Variants in SNED1 observed in about 807,000 individuals in gnomAD.
The protein encoded by SNED1 is sushi, nidogen and EGF like domains 1.
SNED1 carries 81 observed loss-of-function variants against 166.7 expected under a neutral mutation model. The ratio of observed to expected loss-of-function variants is 0.49; its 90% CI spans 0.41 to 0.58. SNED1 has a LOEUF of 0.58. SNED1 is among the 20% of genes least tolerant of loss of function. The pLI, the probability that SNED1 is intolerant of heterozygous loss-of-function variation, is 0.00. For missense variants in SNED1, 1,604 were observed against 2,000.2 expected (o/e 0.80, Z 3.78); for synonymous variants, 762 against 822.0 (o/e 0.93, Z 1.25).
chr2:241,017,704 G>A (rs1490178891), intron 1 of SNED1, among the ~76,000 whole-genome samples: 4 of 152,190 alleles, frequency 2.6e-5, no homozygotes, highest in African/African-American at 9.7e-5. Flanking sequence ...TCCTCCCACG[G>A]CAAGTGGGTG....
rs2060477002 is a variant in SNED1 at position 241,013,415 on chromosome 2, C to T, written c.213+14365C>T. Among the ~76,000 whole-genome samples the T allele has an allele frequency of 6.6e-6, 1 of 152,184 alleles. No individual in the cohort carries two copies. The highest frequency in any genetic ancestry group is 1.5e-5 in the Non-Finnish European group (1 of 68,032). On this transcript the variant is annotated intron_variant, in intron 1 of 31. Coordinates refer to ENST00000310397, the MANE Select transcript of SNED1 (RefSeq NM_001080437.3). This position sits in a 1 kb window ranked among gnomAD's most constrained non-coding sequence, Gnocchi z 4.6. ...CGAACTCATGGGCTCCAGTGATCCTCCCACTTCAGCCACACCCCACTCCAC... is the reference window on the plus strand; with the variant it reads ...CGAACTCATGGGCTCCAGTGATCCTTCCACTTCAGCCACACCCCACTCCAC...
chr2:241,032,601 T>C (rs993262189), intron 2 of SNED1, among the ~76,000 whole-genome samples: 1 of 152,124 alleles, frequency 6.6e-6, no homozygotes, highest in Non-Finnish European at 1.5e-5. Context: ...AACCTGCACG[T>C]TGTGCACATG....
chr2:241,041,148 A>T, intron 8 of SNED1: 2 of 283,542 alleles, frequency 7.1e-6, no homozygotes, highest in Middle Eastern at 2.5e-3. Flanking sequence ...GTCTTTGCCG[A>T]GTGCATGGGA....
intron 6 of SNED1, 27 bp downstream of exon 6, chr2:241,037,380 G>A: frequency 1.4e-6 from 2 of 1,462,016 alleles, no homozygotes; most frequent in Non-Finnish European, 1.9e-6. Context: ...GGGGCCCACG[G>A]GGCCCTGCTG....
At position 241,073,985 on chromosome 2, in the gene SNED1, C is replaced by T. The variant is rs2062879584; in HGVS notation, c.3916+621C>T. The T allele has an allele frequency of 6.5e-6, 1 of 153,588 alleles. No homozygotes were observed. Among genetic ancestry groups the T allele is most frequent in the African/African-American group, 2.4e-5 (1 of 41,466 alleles). 9.5% of individuals were successfully genotyped at this position (153,588 alleles called of 1,614,324 possible). On this transcript the variant is annotated intron_variant, in intron 27 of 31. Transcript: ENST00000310397. This position sits in a 1 kb window ranked among gnomAD's most constrained non-coding sequence, Gnocchi z 6.6. The stretch of plus-strand genomic sequence containing the variant: ...GCAGCACCAATACATGTGTGTTCCT[C>T]ACCCTGAGTCAGACTCTACCTTTCT...
At chr2:241,030,226 G>A (rs1002259592) in intron 1 of SNED1, 58 bp from the exon 2 acceptor site, 2 of 1,469,814 alleles carry the variant, frequency 1.4e-6, no homozygotes, top group Non-Finnish European at 1.8e-6. Flanking sequence ...AGGCTGCTGG[G>A]CCCACCCGCC....
Position 241,094,248 on chromosome 2 carries a change from G to A in SNED1, c.*2612G>A. The A allele has an allele frequency of 2.1e-6, 1 of 466,250 alleles. No individual in the cohort carries two copies. Among genetic ancestry groups the A allele is most frequent in the Non-Finnish European group, 4.4e-6 (1 of 225,458 alleles). The allele number at this position is 466,250 out of a possible 1,614,324, so 28.9% of individuals were successfully genotyped here. ...TGTCCTCCAGTAGAGAACCCAACAGGCAAGGGCCCCACTCAGGTATCAGCT... is the reference window on the plus strand; with the variant it reads ...TGTCCTCCAGTAGAGAACCCAACAGACAAGGGCCCCACTCAGGTATCAGCT... On this transcript the variant is annotated 3_prime_UTR_variant, in exon 32 of 32. Coordinates refer to ENST00000310397, the MANE Select transcript of SNED1 (RefSeq NM_001080437.3). This position sits in a 1 kb window ranked among gnomAD's most constrained non-coding sequence, Gnocchi z 4.3.
chr2:241,065,276 T>C (rs1439430700), intron 20 of SNED1, 23 bp from the exon 21 acceptor site: 1 of 1,611,552 alleles, frequency 6.2e-7, no homozygotes, highest in East Asian at 2.2e-5. Context: ...TCCCCTCCCC[T>C]TGTTTTGACC....
chr2:241,008,018 G>A (rs1193774312), intron 1 of SNED1, among the ~76,000 whole-genome samples: 28 of 152,264 alleles, frequency 1.8e-4, no homozygotes, highest in African/African-American at 5.8e-4. Context: ...GCCCAGAAGG[G>A]CATTCGCAGT....
chr2:241,027,328 G>A (rs2061002087), intron 1 of SNED1, among the ~76,000 whole-genome samples: 1 of 152,162 alleles, frequency 6.6e-6, no homozygotes, highest in African/African-American at 2.4e-5. Flanking sequence ...TGATCCACCT[G>A]CCTCAGCCAC....
chr2:241,088,078 A>G lies in SNED1; in HGVS notation c.4206-287A>G, dbSNP rs2063676779. The G allele has an allele frequency of 6.4e-6, 3 of 472,420 alleles. No individual in the cohort carries two copies. In the South Asian group the frequency reaches 9.0e-5, roughly 14 times the overall value. 29.3% of individuals were successfully genotyped at this position (472,420 alleles called of 1,614,324 possible). A position where few individuals can be genotyped will look rare whatever the true frequency, so the allele number is the denominator to read the frequency against. On this transcript the variant is annotated intron_variant, in intron 30 of 31. Coordinates refer to ENST00000310397, the MANE Select transcript of SNED1 (RefSeq NM_001080437.3). ...CTGTGCACGTCACCGGCTCTTCCCT[A>G]GGGTAGCTTTTGCTTGCTTTCTCCC...
In SNED1 at chr2:241,077,991, AT is replaced by A. The variant is rs552599931; in HGVS notation, c.3917-3685del. ...ACTCCTAGGTATATACCCAAGAGAAATGAAAACCTATGTCCACATGAGGTCC... is the reference window on the plus strand; with the variant it reads ...ACTCCTAGGTATATACCCAAGAGAAAGAAAACCTATGTCCACATGAGGTCC... On this transcript the variant is annotated intron_variant, in intron 27 of 31. Coordinates refer to ENST00000310397, the MANE Select transcript of SNED1 (RefSeq NM_001080437.3). 2.0e-3 allele frequency among the ~76,000 whole-genome samples: 300 copies of A among 152,306 alleles called. 1 individual carries two copies. The highest frequency in any genetic ancestry group is 6.8e-3 in the African/African-American group (283 of 41,578).
intron 27 of SNED1, chr2:241,074,811 A>C (rs1272763803): frequency 1.3e-5 from 2 of 152,080 alleles, no homozygotes; most frequent in Non-Finnish European, 2.9e-5. Context: ...CAAGAACCCA[A>C]CCTATAAACT....
Position 241,069,287 on chromosome 2 carries a change from G to A in SNED1, c.3307+264G>A, listed in dbSNP as rs575999326. Among the ~76,000 whole-genome samples, 5 of 152,252 alleles carry A rather than the reference G, an allele frequency of 3.3e-5. No individual in the cohort carries two copies. Among genetic ancestry groups the A allele is most frequent in the African/African-American group, 9.6e-5 (4 of 41,564 alleles). ...CAGCATGGAGTTCCTACTGGACACC[G>A]ACCAGAGGGCCAGAGGACCTCACTG... is the stretch of plus-strand genomic sequence containing the variant. On this transcript the variant is annotated intron_variant, in intron 23 of 31. Coordinates refer to ENST00000310397, the MANE Select transcript of SNED1 (RefSeq NM_001080437.3). The surrounding 1 kb of genome is among the most constrained non-coding windows in gnomAD (Gnocchi z 4.9).
At position 241,067,744 on chromosome 2, in the gene SNED1, G is replaced by A. The variant is rs569150625; in HGVS notation, c.3011-20G>A. The A allele has an allele frequency of 6.3e-7, 1 of 1,587,644 alleles. No individual in the cohort carries two copies. The highest frequency in any genetic ancestry group is 1.1e-5 in the South Asian group (1 of 89,362). ...GAGCAAGGAGGGGCCGGCACCTGCT[G>A]AACAGTCCATTCCCCCTAGGACCCC... is the stretch of plus-strand genomic sequence containing the variant. On this transcript the variant is annotated intron_variant, in intron 21 of 31. Transcript: ENST00000310397.
At chr2:241,034,789 A>G (rs1017900563) in intron 4 of SNED1, 59 bp downstream of exon 4, 11 of 1,473,160 alleles carry the variant, frequency 7.5e-6, no homozygotes, top group Non-Finnish European at 1.0e-5. Context: ...GGTTGATGGC[A>G]GAGGAGAGGT....
At position 241,062,804 on chromosome 2, in the gene SNED1, C is replaced by T. The variant is rs2062284749; in HGVS notation, c.2271C>T (p.Cys757=). 1.9e-6 allele frequency: 3 copies of T among 1,609,214 alleles called. No homozygotes were observed. Among genetic ancestry groups the T allele is most frequent in the African/African-American group, 1.3e-5 (1 of 74,904 alleles). ...CTCTCCTCTCAGAAATCGATGAGTG[C>T]CGGTCTCAGCCGTGCCTGCATGGGG... ...EPPQCLEIDE[C]RSQPCLHGGS... The change falls in exon 17 of 32, where the codon TGC becomes TGT. Residue 757 remains cysteine, a synonymous_variant. Coordinates refer to ENST00000310397, the MANE Select transcript of SNED1 (RefSeq NM_001080437.3).
At chr2:241,025,717 G>A (rs1375918116) in intron 1 of SNED1, among the ~76,000 whole-genome samples, 1 of 152,038 alleles carries the variant, frequency 6.6e-6, no homozygotes, top group Non-Finnish European at 1.5e-5. Context: ...GCCTTCCATA[G>A]TAAAGGGTAT....
chr2:241,032,674 C>T (rs1300729482), intron 2 of SNED1, among the ~76,000 whole-genome samples: 1 of 152,178 alleles, frequency 6.6e-6, no homozygotes. Context: ...GGTTTCCTTG[C>T]ACCCCAGCTG....
Sources: allele counts gnomAD v4.1 joint callset (sites outside exome capture counted in the v4.1 genomes callset), GRCh38; gene constraint gnomAD v4.1.1; non-coding constraint Gnocchi (gnomAD v3.1); transcripts MANE v1.5; gene names NCBI Gene and HGNC (gene_info 2026-07-23, HGNC 2026-07-21).